The following PDZK1 variants were observed in gnomAD, a reference collection of about 807,000 sequenced individuals.
The protein encoded by PDZK1 is PDZ domain containing 1, also known as Na(+)/H(+) exchange regulatory cofactor NHE-RF3.
Under a neutral mutation model 38.1 loss-of-function variants are expected in PDZK1, and 23 were observed. The ratio of observed to expected loss-of-function variants is 0.60; its 90% CI spans 0.43 to 0.85. The LOEUF (loss-of-function observed/expected upper bound fraction) is 0.85. Ranked by LOEUF, PDZK1 falls within the 40% of genes least tolerant of loss-of-function variation. The probability of loss-of-function intolerance (pLI) is 0.00; values close to 1 mark genes in which losing one functional copy is unlikely to be tolerated. For synonymous variants in PDZK1, 98 were observed against 186.2 expected (o/e 0.53, Z 3.86); for missense variants, 297 against 504.3 (o/e 0.59, Z 3.94).
intron 1 of PDZK1, among the ~76,000 whole-genome samples, chr1:145,698,655 G>A (rs372540648): frequency 5.3e-5 from 8 of 152,158 alleles, no homozygotes; most frequent in East Asian, 1.9e-4. Flanking sequence ...TAGGCCAGGC[G>A]CAGTGGCTCA....
chr1:145,683,526 G>A (rs587598356), intron 3 of PDZK1, among the ~76,000 whole-genome samples: 9 of 152,258 alleles, frequency 5.9e-5, no homozygotes, highest in African/African-American at 1.7e-4. Context: ...GGAAGAACCC[G>A]AATGCATTTA....
intron 7 of PDZK1, among the ~76,000 whole-genome samples, chr1:145,673,386 A>G (rs1407078200): frequency 1.3e-5 from 2 of 151,244 alleles, no homozygotes; most frequent in East Asian, 3.9e-4. Context: ...ATGACTGCCA[A>G]TCAGGGTTGA....
intron 1 of PDZK1, among the ~76,000 whole-genome samples, chr1:145,702,884 C>G (rs1164296724): frequency 6.6e-6 from 1 of 152,068 alleles, no homozygotes; most frequent in Non-Finnish European, 1.5e-5. Context: ...CAGAGCAAGA[C>G]TCCGTCTCAA....
chr1:145,671,698 A>C (rs1461178992), intron 8 of PDZK1: 1 of 552,734 alleles, frequency 1.8e-6, no homozygotes, highest in African/African-American at 1.9e-5. Context: ...GAAGAGCCTG[A>C]ATCAGATGAT....
intron 1 of PDZK1, among the ~76,000 whole-genome samples, chr1:145,694,888 T>A (rs1302012089): frequency 2.2e-5 from 2 of 92,638 alleles, no homozygotes; most frequent in East Asian, 3.4e-4. Context: ...AGAGCAAGAC[T>A]CTGTCTCAAA....
chr1:145,677,068 T>C (rs1306476541), intron 6 of PDZK1, among the ~76,000 whole-genome samples: 2 of 152,210 alleles, frequency 1.3e-5, no homozygotes, highest in African/African-American at 4.8e-5. Context: ...TTACCAGGTA[T>C]TCCAAGTATG....
chr1:145,704,656 C>T (rs1240165685), intron 1 of PDZK1, among the ~76,000 whole-genome samples: 2 of 152,104 alleles, frequency 1.3e-5, no homozygotes, highest in Non-Finnish European at 2.9e-5. Context: ...AGCCATGATA[C>T]CCATCAGGCA....
At position 145,686,500 on chromosome 1, in the gene PDZK1, C is replaced by T; in HGVS notation, c.437G>A (p.Gly146Asp). 1 of 1,612,032 alleles carries T rather than the reference C, an allele frequency of 6.2e-7. No homozygotes were observed. Among genetic ancestry groups the T allele is most frequent in the Non-Finnish European group, 8.5e-7 (1 of 1,179,864 alleles). The change falls in exon 3 of 9, where the codon GGC (glycine) becomes GAC (aspartate). Residue 146 changes from glycine (G) to aspartate (D), a missense_variant. Physicochemically the swap from Gly to Asp is moderately conservative, Grantham distance 94. Transcript: ENST00000417171. ...ACCTTGGACAGTTTTCAGAGAGAAG[C>T]CATAGCTGCCTCCTTCCTTCACGAG... ...CYLVKEGGSY[G>D]FSLKTVQGKK...
rs782486466 is a variant in PDZK1, at chr1:145,688,031, GA to G, written c.-2-9del. ...TGAAGGTGGAGGTCATTTCTGTGAT[GA>G]AAAAAATAAATTAATAAAACCATGG... On this transcript the variant is annotated splice_polypyrimidine_tract_variant and intron_variant, in intron 1 of 8. Coordinates refer to ENST00000417171, the MANE Select transcript of PDZK1 (RefSeq NM_001201325.2). 4.4e-6 allele frequency: 7 copies of G among 1,605,508 alleles called. No individual in the cohort carries two copies. The East Asian group carries it at 6.7e-5, about 15-fold the overall frequency.
intron 1 of PDZK1, among the ~76,000 whole-genome samples, chr1:145,698,672 T>C (rs140825786): frequency 0.032 from 4,815 of 152,214 alleles, 239 homozygotes; most frequent in African/African-American, 0.11. Flanking sequence ...CTCACACCTA[T>C]AATCCCAGCA....
intron 4 of PDZK1, among the ~76,000 whole-genome samples, chr1:145,681,772 G>A (rs1452817237): frequency 9.1e-6 from 1 of 109,532 alleles, no homozygotes. Context: ...TCTACAAAGA[G>A]AAGGTTGGTC....
intron 1 of PDZK1, among the ~76,000 whole-genome samples, chr1:145,688,545 G>T (rs1425093516): frequency 6.6e-6 from 1 of 152,124 alleles, no homozygotes; most frequent in Admixed American, 6.5e-5. Context: ...AAATAACAAA[G>T]GGTCTTGGGA....
chr1:145,683,073 A>T (rs1445949796), intron 3 of PDZK1, among the ~76,000 whole-genome samples: 15 of 152,230 alleles, frequency 9.9e-5, no homozygotes, highest in African/African-American at 3.1e-4. Flanking sequence ...ACTGCTTTGC[A>T]TACACCACCC....
chr1:145,690,675 C>T (rs1284652268), intron 1 of PDZK1, among the ~76,000 whole-genome samples: 10 of 152,162 alleles, frequency 6.6e-5, no homozygotes, highest in South Asian at 4.1e-4. Flanking sequence ...AACAATCTCA[C>T]GCCCTGCAGT....
chr1:145,692,719 A>G (rs587633238), intron 1 of PDZK1, among the ~76,000 whole-genome samples: 11 of 150,936 alleles, frequency 7.3e-5, no homozygotes, highest in South Asian at 4.2e-4. Context: ...AAAAAAAAAA[A>G]AAGAAGAAGA....
intron 3 of PDZK1, among the ~76,000 whole-genome samples, chr1:145,683,525 C>G (rs1247319602): frequency 1.3e-5 from 2 of 152,096 alleles, no homozygotes; most frequent in Non-Finnish European, 2.9e-5. Context: ...GGGAAGAACC[C>G]GAATGCATTT....
At chr1:145,687,729 A>T in intron 2 of PDZK1, 83 bp downstream of exon 2, 1 of 1,248,360 alleles carries the variant, frequency 8.0e-7, no homozygotes, top group East Asian at 2.3e-5. Context: ...ACCAAACTCT[A>T]CCAACCCCCA....
chr1:145,688,375 A>T (rs1654977217), intron 1 of PDZK1, among the ~76,000 whole-genome samples: 1 of 152,170 alleles, frequency 6.6e-6, no homozygotes, highest in Non-Finnish European at 1.5e-5. Context: ...GCCCACTCTC[A>T]TTCAAACATT....
At chr1:145,688,546 G>C (rs1189929937) in intron 1 of PDZK1, among the ~76,000 whole-genome samples, 1 of 152,068 alleles carries the variant, frequency 6.6e-6, no homozygotes, top group Non-Finnish European at 1.5e-5. Context: ...AATAACAAAG[G>C]GTCTTGGGAA....
Sources: gnomAD v4.1 joint callset for allele counts (sites outside exome capture counted in the v4.1 genomes callset) on GRCh38, gnomAD v4.1.1 for gene constraint, MANE v1.5 for transcripts, NCBI Gene and HGNC (gene_info 2026-07-23, HGNC 2026-07-21) for gene names.